The following ACVR1C variants were observed in gnomAD, a reference collection of about 807,000 sequenced individuals.
ACVR1C encodes activin receptor type-1C.
Under a neutral mutation model 57.9 loss-of-function variants are expected in ACVR1C, and 23 were observed. The observed-to-expected ratio is 0.40, with a 90% confidence interval of 0.29 to 0.56. ACVR1C has a LOEUF of 0.56. Among genes scored for constraint, ACVR1C ranks in the 20% least tolerant of loss-of-function variants. The probability of loss-of-function intolerance (pLI) is 0.50; values close to 1 mark genes in which losing one functional copy is unlikely to be tolerated. For missense variants in ACVR1C, 480 were observed against 607.9 expected (o/e 0.79, Z 2.21); for synonymous variants, 214 against 215.3 (o/e 0.99, Z 0.05).
intron 2 of ACVR1C, among the ~76,000 whole-genome samples, chr2:157,566,604 G>A (rs944415311): frequency 1.3e-5 from 2 of 152,026 alleles, no homozygotes; most frequent in Admixed American, 1.3e-4. Context: ...GGTGATGGAC[G>A]CACCTGGAAA....
intron 1 of ACVR1C, among the ~76,000 whole-genome samples, chr2:157,609,686 A>G (rs1362454536): frequency 6.6e-6 from 1 of 152,044 alleles, no homozygotes; most frequent in Non-Finnish European, 1.5e-5. Context: ...TGCTGGATTT[A>G]TCCCTTTAAA....
intron 1 of ACVR1C, among the ~76,000 whole-genome samples, chr2:157,617,368 T>C (rs775647847): frequency 1.3e-5 from 2 of 151,886 alleles, no homozygotes; most frequent in Non-Finnish European, 2.9e-5. Flanking sequence ...GTAAGAAATA[T>C]AGATGATGAG....
chr2:157,546,891 T>C (rs566978430), intron 4 of ACVR1C, among the ~76,000 whole-genome samples: 1 of 152,052 alleles, frequency 6.6e-6, no homozygotes, highest in South Asian at 2.1e-4. Context: ...TATGTAGACA[T>C]GTGCCATGCT....
chr2:157,577,746 A>C (rs756523631), intron 2 of ACVR1C, among the ~76,000 whole-genome samples: 32 of 152,182 alleles, frequency 2.1e-4, no homozygotes, highest in Non-Finnish European at 4.4e-4. Context: ...TATCTACATT[A>C]AATTATTTAC....
intron 8 of ACVR1C, 125 bp downstream of exon 8, chr2:157,538,448 T>G (rs899909344): frequency 2.2e-5 from 21 of 944,312 alleles, no homozygotes; most frequent in Non-Finnish European, 2.7e-5. Context: ...TTCTGAAGAC[T>G]TATAAAAAGA....
rs561742497 is a variant in ACVR1C, at chr2:157,620,851, C to T, written c.73+7721G>A. On this transcript the variant is annotated intron_variant, in intron 1 of 8. Transcript: ENST00000243349. ...GTTTTTGATCATAGAGTCTTTATTT[C>T]AGTCAATTATCAAGTTGCATAAAAA... Among the ~76,000 whole-genome samples, 8 of 152,040 alleles carry T rather than the reference C, an allele frequency of 5.3e-5. No individual in the cohort carries two copies. The East Asian group carries it at 1.4e-3, about 26-fold the overall frequency.
chr2:157,574,274 C>T (rs1042929897), intron 2 of ACVR1C, among the ~76,000 whole-genome samples: 2 of 152,176 alleles, frequency 1.3e-5, no homozygotes, highest in Non-Finnish European at 2.9e-5. Flanking sequence ...TGGTGAAGGG[C>T]TGCTTTCTGG....
intron 4 of ACVR1C, among the ~76,000 whole-genome samples, chr2:157,546,710 G>T (rs1004427900): frequency 6.6e-6 from 1 of 150,894 alleles, no homozygotes; most frequent in Non-Finnish European, 1.5e-5. Context: ...TAACAATTTC[G>T]TAAAAAAAAA....
chr2:157,557,177 G>A lies in ACVR1C; in HGVS notation c.305-845C>T, dbSNP rs540993589. On this transcript the variant is annotated intron_variant, in intron 2 of 8. Transcript: ENST00000243349. The stretch of plus-strand genomic sequence containing the variant: ...AGAATGGTGCTACAAAAAAAAAAAA[G>A]CAGGGAAGAAAGAAGGAGTGATGGT... Among the ~76,000 whole-genome samples the A allele has an allele frequency of 6.8e-3, 974 of 143,796 alleles. 6 individuals are homozygous for A. Among genetic ancestry groups the A allele is most frequent in the Non-Finnish European group, 0.011 (691 of 64,592 alleles). The allele number at this position is 143,796 out of a possible 152,430, so 94.3% of individuals were successfully genotyped here.
In ACVR1C at chr2:157,533,882, G is replaced by A. The variant is rs571782837; in HGVS notation, c.*36C>T. On this transcript the variant is annotated 3_prime_UTR_variant, in exon 9 of 9. Coordinates refer to ENST00000243349, the MANE Select transcript of ACVR1C (RefSeq NM_145259.3). ...CATAAAGGGGAAAATGGAAAAGAAA[G>A]CTATGAGAGATTTCTTTTTAACATA... The A allele has an allele frequency of 2.0e-6, 3 of 1,499,102 alleles. No homozygotes were observed. The highest frequency in any genetic ancestry group is 1.4e-5 in the South Asian group (1 of 72,362). 92.9% of individuals were successfully genotyped at this position (1,499,102 alleles called of 1,614,324 possible).
chr2:157,594,421 A>T (rs766622306), intron 1 of ACVR1C, among the ~76,000 whole-genome samples: 15 of 152,082 alleles, frequency 9.9e-5, no homozygotes, highest in Non-Finnish European at 1.8e-4. Context: ...AAAAGAGAGA[A>T]TTGGTGTTGG....
intron 2 of ACVR1C, among the ~76,000 whole-genome samples, chr2:157,558,929 T>C (rs188799637): frequency 2.6e-4 from 39 of 152,366 alleles, no homozygotes; most frequent in South Asian, 6.2e-4. Context: ...CTCCTGCATC[T>C]TACATAAACA....
rs75193409 is a variant in ACVR1C at position 157,573,045 on chromosome 2, C to A, written c.304+14142G>T. ...ACAACAATGGGTCTTTTAAGAGGAA[C>A]GAAAATAGCAAGACTTTTAAACTCC... is the stretch of plus-strand genomic sequence containing the variant. On this transcript the variant is annotated intron_variant, in intron 2 of 8. Coordinates refer to ENST00000243349, the MANE Select transcript of ACVR1C (RefSeq NM_145259.3). Among the ~76,000 whole-genome samples the A allele has an allele frequency of 4.2e-3, 635 of 152,176 alleles. 3 individuals carry two copies. Among genetic ancestry groups the A allele is most frequent in the African/African-American group, 0.015 (611 of 41,532 alleles).
chr2:157,563,527 A>T (rs1688291165), intron 2 of ACVR1C, among the ~76,000 whole-genome samples: 1 of 152,230 alleles, frequency 6.6e-6, no homozygotes, highest in Non-Finnish European at 1.5e-5. Flanking sequence ...ATATCGTGAA[A>T]ATGGCCATGC....
At chr2:157,596,596 T>TCTCC (rs879461338) in intron 1 of ACVR1C, among the ~76,000 whole-genome samples, 8 of 152,144 alleles carry the variant, frequency 5.3e-5, no homozygotes, top group Non-Finnish European at 5.9e-5. Context: ...GCTTAGAAAA[T>TCTCC]CTCCCATCCA....
chr2:157,564,830 T>A (rs1688321496), intron 2 of ACVR1C, among the ~76,000 whole-genome samples: 1 of 152,074 alleles, frequency 6.6e-6, no homozygotes, highest in Admixed American at 6.5e-5. Flanking sequence ...CTGGAGGCCA[T>A]CATCCTCAGC....
intron 1 of ACVR1C, among the ~76,000 whole-genome samples, chr2:157,613,671 G>A (rs963801614): frequency 6.6e-6 from 1 of 152,098 alleles, no homozygotes; most frequent in African/African-American, 2.4e-5. Flanking sequence ...TGAAATATTC[G>A]ATTTTTGAAT....
Position 157,599,314 on chromosome 2 carries a change from C to CAAAAAAAAAAA in ACVR1C, c.74-11908_74-11898dup, listed in dbSNP as rs60182304. Among the ~76,000 whole-genome samples, 12 of 40,608 alleles carry CAAAAAAAAAAA rather than the reference C, an allele frequency of 3.0e-4. 1 individual carries two copies. Among genetic ancestry groups the CAAAAAAAAAAA allele is most frequent in the African/African-American group, 5.3e-4 (5 of 9,516 alleles). The allele number at this position is 40,608 out of a possible 152,430, so 26.6% of individuals were successfully genotyped here. ...GCGCCACTGCACTACAGCCTGGGCTCAAAAAAAAAAAAAAAAAAAAAAAAA... is the reference window on the plus strand; with the variant it reads ...GCGCCACTGCACTACAGCCTGGGCTCAAAAAAAAAAAAAAAAAAAAAAAAAAAAAAAAAAAA... On this transcript the variant is annotated intron_variant, in intron 1 of 8. Transcript: ENST00000243349.
At chr2:157,591,191 G>T (rs527289874) in intron 1 of ACVR1C, among the ~76,000 whole-genome samples, 1 of 151,924 alleles carries the variant, frequency 6.6e-6, no homozygotes, top group Non-Finnish European at 1.5e-5. Context: ...ATCTCTTTCC[G>T]CTCTGTCAAG....
Sources: gnomAD v4.1 joint callset for allele counts (sites outside exome capture counted in the v4.1 genomes callset) on GRCh38, gnomAD v4.1.1 for gene constraint, MANE v1.5 for transcripts, NCBI Gene and HGNC (gene_info 2026-07-23, HGNC 2026-07-21) for gene names.